Variants in CEP63 observed in about 807,000 individuals in gnomAD.
CEP63 encodes centrosomal protein of 63 kDa.
CEP63 carries 84 observed loss-of-function variants against 89.1 expected under a neutral mutation model. That is an observed-to-expected ratio of 0.94 (90% CI 0.79 to 1.13). The LOEUF (loss-of-function observed/expected upper bound fraction) is 1.13, where lower values mean the gene tolerates loss of function less well. Among genes scored for constraint, CEP63 ranks in the 50% most tolerant of loss-of-function variants. CEP63 has a pLI of 0.00. For missense variants in CEP63, 838 were observed against 813.3 expected, an observed-to-expected ratio of 1.03 and a Z score of -0.37; for synonymous variants, 267 against 272.5, an observed-to-expected ratio of 0.98 and a Z score of 0.20.
chr3:134,546,178 G>A lies in CEP63; in HGVS notation c.819G>A (p.Lys273=), dbSNP rs1227003804. The A allele has an allele frequency of 1.1e-5, 18 of 1,613,630 alleles. No homozygotes were observed. The highest frequency in any genetic ancestry group is 1.4e-5 in the Non-Finnish European group (16 of 1,179,922). The change falls in exon 8 of 15, where the codon AAG becomes AAA. Residue 273 remains lysine (K), a synonymous_variant. Coordinates refer to ENST00000675561, the MANE Select transcript of CEP63 (RefSeq NM_001353108.3). ...TGCAGGAAGAAAAGAGAGAATTGAA[G>A]GCAGCTCTTCAGTCTCAAGAAAATC... ...EALQEEKREL[K]AALQSQENLI...
downstream of CEP63, among the ~76,000 whole-genome samples, chr3:134,576,804 G>C (rs912075173): frequency 6.6e-6 from 1 of 152,184 alleles, no homozygotes; most frequent in South Asian, 2.1e-4. Flanking sequence ...AGACAATAGA[G>C]GGGCACGCGT....
intron 2 of CEP63, among the ~76,000 whole-genome samples, chr3:134,504,414 G>A (rs1043406176): frequency 5.9e-5 from 9 of 152,032 alleles, no homozygotes; most frequent in South Asian, 4.2e-4. Flanking sequence ...TGAATATATC[G>A]CCCCATTCTC....
the CEP63 span, among the ~76,000 whole-genome samples, chr3:134,657,129 C>T: frequency 6.6e-6 from 1 of 152,024 alleles, no homozygotes; most frequent in Admixed American, 6.6e-5. Context: ...GTTGGGGAGC[C>T]CTCAGAATCA....
intron 2 of CEP63, among the ~76,000 whole-genome samples, chr3:134,501,788 A>G (rs1942075664): frequency 6.6e-6 from 1 of 152,156 alleles, no homozygotes; most frequent in South Asian, 2.1e-4. Context: ...AGATAATTTG[A>G]CTTTTTCTTT....
chr3:134,581,567 G>A (rs1470072033), intron 10 of CEP63, among the ~76,000 whole-genome samples: 1 of 151,094 alleles, frequency 6.6e-6, no homozygotes, highest in African/African-American at 2.4e-5. Flanking sequence ...GGCAACAAGA[G>A]CAAAACTCTG....
chr3:134,576,162 G>T (rs749656439), downstream of CEP63, among the ~76,000 whole-genome samples: 1 of 152,136 alleles, frequency 6.6e-6, no homozygotes, highest in Non-Finnish European at 1.5e-5. Context: ...TGGTGGTGAA[G>T]CCCTGGTATG....
chr3:134,571,586 C>T (rs1394639033), intron 11 of CEP63, among the ~76,000 whole-genome samples: 1 of 152,098 alleles, frequency 6.6e-6, no homozygotes, highest in Non-Finnish European at 1.5e-5. Flanking sequence ...GAGGCTGAGG[C>T]AGGAGAATGG....
downstream of CEP63, among the ~76,000 whole-genome samples, chr3:134,577,595 T>G (rs1171935245): frequency 6.6e-6 from 1 of 151,932 alleles, no homozygotes; most frequent in Non-Finnish European, 1.5e-5. Context: ...GCCTGGCTAA[T>G]TTTTTATTTT....
intron 5 of CEP63, among the ~76,000 whole-genome samples, chr3:134,534,027 CT>C (rs1301859939): frequency 6.6e-6 from 1 of 152,090 alleles, no homozygotes; most frequent in Non-Finnish European, 1.5e-5. Flanking sequence ...TGACTATTCT[CT>C]TTTCTTTCTA....
At chr3:134,652,444 GC>G in the CEP63 span, among the ~76,000 whole-genome samples, 187 of 144,728 alleles carry the variant, frequency 1.3e-3, no homozygotes, top group African/African-American at 3.5e-3. Flanking sequence ...CATTACCAGC[GC>G]CCCCCCCCAC....
chr3:134,521,571 T>C (rs1230543355), intron 3 of CEP63, among the ~76,000 whole-genome samples: 1 of 152,178 alleles, frequency 6.6e-6, no homozygotes, highest in African/African-American at 2.4e-5. Context: ...TTTGTATTTT[T>C]CTCCTTGCTT....
At chr3:134,579,878 TACATGCTACA>T (rs1337340643), downstream of CEP63, among the ~76,000 whole-genome samples, 1 of 152,204 alleles carries the variant, frequency 6.6e-6, no homozygotes, top group African/African-American at 2.4e-5. Flanking sequence ...GAAGTACTCA[TACATGCTACA>T]ACATGGATGA....
chr3:134,647,493 G>T, the CEP63 span: 1 of 1,607,184 alleles, frequency 6.2e-7, no homozygotes, highest in South Asian at 1.1e-5. Context: ...CAACACCTTG[G>T]AATCCTGCAA....
the CEP63 span, among the ~76,000 whole-genome samples, chr3:134,733,789 A>G: frequency 6.6e-6 from 1 of 152,238 alleles, no homozygotes; most frequent in Non-Finnish European, 1.5e-5. Flanking sequence ...CCTTGATCTC[A>G]GGCTTCTAGC....
chr3:134,715,396 A>G, the CEP63 span, among the ~76,000 whole-genome samples: 7 of 152,160 alleles, frequency 4.6e-5, no homozygotes, highest in African/African-American at 1.7e-4. Context: ...TGGTTCCTGT[A>G]TAGAAGCTGG....
At chr3:134,566,570 T>C (rs999976248), downstream of CEP63, among the ~76,000 whole-genome samples, 4 of 152,138 alleles carry the variant, frequency 2.6e-5, no homozygotes, top group East Asian at 1.9e-4. Context: ...GAATAGTCAT[T>C]CAAAATTTAA....
the CEP63 span, among the ~76,000 whole-genome samples, chr3:134,700,853 A>C: frequency 1.3e-5 from 2 of 152,102 alleles, no homozygotes; most frequent in African/African-American, 2.4e-5. Context: ...TTTGCAGCAG[A>C]AACCAGCTCC....
chr3:134,572,352 A>G (rs191803424), intron 11 of CEP63, among the ~76,000 whole-genome samples: 1 of 152,292 alleles, frequency 6.6e-6, no homozygotes, highest in Non-Finnish European at 1.5e-5. Flanking sequence ...AATGATCCCA[A>G]TACCCAGGTA....
chr3:134,503,545 A>G (rs1942623579), intron 2 of CEP63, among the ~76,000 whole-genome samples: 1 of 152,062 alleles, frequency 6.6e-6, no homozygotes, highest in Non-Finnish European at 1.5e-5. Flanking sequence ...TGTAGAACAA[A>G]CTGGATGTTT....
Sources: allele counts gnomAD v4.1 joint callset (sites outside exome capture counted in the v4.1 genomes callset), GRCh38; gene constraint gnomAD v4.1.1; transcripts MANE v1.5; gene names NCBI Gene and HGNC (gene_info 2026-07-23, HGNC 2026-07-21).